Variants in FSTL5 observed in about 807,000 individuals in gnomAD.
FSTL5 encodes the protein follistatin-related protein 5.
Under a neutral mutation model 89.1 loss-of-function variants are expected in FSTL5, and 62 were observed. The ratio of observed to expected loss-of-function variants is 0.70; its 90% confidence interval spans 0.57 to 0.86. The LOEUF (loss-of-function observed/expected upper bound fraction) is 0.86, where lower values mean the gene tolerates loss of function less well. Ranked by LOEUF, FSTL5 falls within the 40% of genes least tolerant of loss-of-function variation. The pLI, the probability that FSTL5 is intolerant of heterozygous loss-of-function variation, is 0.00. For missense variants in FSTL5, 1,057 were observed against 1,001.6 expected, an observed-to-expected ratio of 1.06 and a Z score of -0.75; for synonymous variants, 383 against 346.2, an observed-to-expected ratio of 1.11 and a Z score of -1.18.
In FSTL5 at chr4:161,672,906, A is replaced by T. The variant is rs143871504; in HGVS notation, c.728-16412T>A. ...TAATTACTCTAAATATGTACTTCTC[A>T]TACCATCATCTAGACATAATTTTTT... On this transcript the variant is annotated intron_variant, in intron 6 of 15. Transcript: ENST00000306100. Among the ~76,000 whole-genome samples the T allele has an allele frequency of 6.0e-3, 920 of 152,166 alleles. 9 individuals carry two copies. Among genetic ancestry groups the T allele is most frequent in the South Asian group, 0.046 (220 of 4,824 alleles).
At chr4:161,531,508 T>C (rs1445341912) in intron 10 of FSTL5, among the ~76,000 whole-genome samples, 2 of 152,304 alleles carry the variant, frequency 1.3e-5, no homozygotes, top group East Asian at 3.9e-4. Context: ...CTTCTCTGCA[T>C]CTTTCAAAAA....
At chr4:161,676,329 A>T (rs1737298534) in intron 6 of FSTL5, among the ~76,000 whole-genome samples, 1 of 152,138 alleles carries the variant, frequency 6.6e-6, no homozygotes, top group Non-Finnish European at 1.5e-5. Flanking sequence ...AGTCAAAAAA[A>T]AGGATGAGTT....
intron 3 of FSTL5, among the ~76,000 whole-genome samples, chr4:162,024,192 C>T (rs925878310): frequency 6.6e-5 from 10 of 152,068 alleles, no homozygotes; most frequent in Non-Finnish European, 1.0e-4. Flanking sequence ...GGAAGTTTTT[C>T]GCAAATATAC....
At chr4:162,108,401 G>C (rs1177974044) in intron 2 of FSTL5, among the ~76,000 whole-genome samples, 2 of 151,724 alleles carry the variant, frequency 1.3e-5, no homozygotes, top group Admixed American at 1.3e-4. Context: ...ACAAATATTT[G>C]GTAAAAATGA....
intron 4 of FSTL5, among the ~76,000 whole-genome samples, chr4:161,869,072 C>G (rs1732181309): frequency 6.6e-6 from 1 of 151,984 alleles, no homozygotes; most frequent in Non-Finnish European, 1.5e-5. Flanking sequence ...AATAGGTGGG[C>G]ACCTGTAGTA....
At chr4:161,533,102 T>A (rs1343217344) in intron 10 of FSTL5, among the ~76,000 whole-genome samples, 1 of 150,320 alleles carries the variant, frequency 6.7e-6, no homozygotes, top group African/African-American at 2.5e-5. Flanking sequence ...TTCATAGTGG[T>A]AAATACCTGC....
intron 3 of FSTL5, among the ~76,000 whole-genome samples, chr4:162,002,234 C>T (rs545221971): frequency 3.2e-4 from 48 of 152,220 alleles, no homozygotes; most frequent in African/African-American, 1.1e-3. Flanking sequence ...CACAAAAATA[C>T]TCAGTTTTCA....
At chr4:161,888,806 T>A (rs951885214) in intron 4 of FSTL5, among the ~76,000 whole-genome samples, 3 of 152,086 alleles carry the variant, frequency 2.0e-5, no homozygotes, top group Admixed American at 1.3e-4. Context: ...TGATGATTAA[T>A]TTCAATTATT....
chr4:161,414,897 CAT>C (rs1731719468), intron 15 of FSTL5, among the ~76,000 whole-genome samples: 1 of 152,162 alleles, frequency 6.6e-6, no homozygotes, highest in Non-Finnish European at 1.5e-5. Context: ...TAGTTTGTGA[CAT>C]ATTGAATAAG....
At chr4:161,639,829 G>A (rs1209932643) in intron 7 of FSTL5, among the ~76,000 whole-genome samples, 1 of 152,182 alleles carries the variant, frequency 6.6e-6, no homozygotes, top group Non-Finnish European at 1.5e-5. Context: ...TCTGAATCGT[G>A]CTTCTGATCC....
At chr4:161,977,612 C>CAAAAAAAAAAAAAAAAAAAA (rs796909244) in intron 3 of FSTL5, among the ~76,000 whole-genome samples, 1 of 95,136 alleles carries the variant, frequency 1.1e-5, no homozygotes. Flanking sequence ...GACTCCGTGT[C>CAAAAAAAAAAAAAAAAAAAA]AAAAAAAAAA....
At chr4:161,499,542 T>A (rs780245594) in intron 12 of FSTL5, among the ~76,000 whole-genome samples, 2 of 152,188 alleles carry the variant, frequency 1.3e-5, no homozygotes, top group Admixed American at 6.5e-5. Context: ...ATATTTTCCC[T>A]TATTTATCTG....
At chr4:161,787,238 G>A (rs1202223777) in intron 4 of FSTL5, among the ~76,000 whole-genome samples, 2 of 152,066 alleles carry the variant, frequency 1.3e-5, no homozygotes, top group Non-Finnish European at 2.9e-5. Flanking sequence ...TCCTGGTAGA[G>A]GCCTTGATAA....
chr4:161,708,200 T>C lies in FSTL5; in HGVS notation c.727+51211A>G, dbSNP rs922338506. Among the ~76,000 whole-genome samples, 13 of 152,166 alleles carry C rather than the reference T, an allele frequency of 8.5e-5. No homozygotes were observed. In the South Asian group the frequency reaches 2.7e-3, roughly 32 times the overall value. On this transcript the variant is annotated intron_variant, in intron 6 of 15. Coordinates refer to ENST00000306100, the MANE Select transcript of FSTL5 (RefSeq NM_020116.5). ...CTTGTAGGATGTCCAAGAAGTCTTC[T>C]CTATCATGTTTTTTTCACCTTCGTT... is the stretch of plus-strand genomic sequence containing the variant.
intron 3 of FSTL5, among the ~76,000 whole-genome samples, chr4:162,003,153 G>A (rs1468696850): frequency 1.3e-5 from 2 of 151,800 alleles, no homozygotes; most frequent in East Asian, 3.9e-4. Context: ...CAAAAAAAAA[G>A]AAATTAGCAG....
intron 10 of FSTL5, among the ~76,000 whole-genome samples, chr4:161,520,366 T>G (rs1730983293): frequency 6.6e-6 from 1 of 151,504 alleles, no homozygotes; most frequent in Non-Finnish European, 1.5e-5. Flanking sequence ...ATTGTATTTA[T>G]AATATAAAAT....
intron 15 of FSTL5, among the ~76,000 whole-genome samples, chr4:161,397,953 A>T (rs922218254): frequency 6.6e-6 from 1 of 152,030 alleles, no homozygotes; most frequent in African/African-American, 2.4e-5. Flanking sequence ...ATCCCTAAAA[A>T]GTTATATGTA....
At chr4:161,473,202 A>G (rs573535214) in intron 13 of FSTL5, among the ~76,000 whole-genome samples, 3 of 151,960 alleles carry the variant, frequency 2.0e-5, no homozygotes, top group Non-Finnish European at 4.4e-5. Context: ...TACTCCCTTT[A>G]TTATCTTCTG....
chr4:161,681,058 C>T (rs929506636), intron 6 of FSTL5, among the ~76,000 whole-genome samples: 5 of 151,920 alleles, frequency 3.3e-5, no homozygotes, highest in African/African-American at 1.2e-4. Context: ...GTTACATGAG[C>T]GAGTAGCTGT....
Sources: allele counts gnomAD v4.1 joint callset (sites outside exome capture counted in the v4.1 genomes callset), GRCh38; gene constraint gnomAD v4.1.1; transcripts MANE v1.5; gene names NCBI Gene and HGNC (gene_info 2026-07-23, HGNC 2026-07-21).